Variants in SMARCC1 observed in about 807,000 individuals in gnomAD.
The protein encoded by SMARCC1 is SWI/SNF complex subunit SMARCC1.
SMARCC1 carries 43 observed loss-of-function variants against 147.4 expected under a neutral mutation model. The observed-to-expected ratio is 0.29, with a 90% CI of 0.23 to 0.38. The LOEUF (loss-of-function observed/expected upper bound fraction) is 0.38, where lower values mean the gene tolerates loss of function less well. Among genes scored for constraint, SMARCC1 ranks in the 10% least tolerant of loss-of-function variants. The pLI, the probability that SMARCC1 is intolerant of heterozygous loss-of-function variation, is 1.00. For missense variants in SMARCC1, 1,119 were observed against 1,381.1 expected (o/e 0.81, Z 3.01); for synonymous variants, 495 against 484.4 (o/e 1.02, Z -0.29).
chr3:47,775,842 A>G (rs1471173968), intron 1 of SMARCC1, among the ~76,000 whole-genome samples: 1 of 151,834 alleles, frequency 6.6e-6, no homozygotes, highest in Non-Finnish European at 1.5e-5. Flanking sequence ...CTATGTACCC[A>G]CAAAAATTAA....
intron 1 of SMARCC1, 147 bp from the exon 2 acceptor site, chr3:47,773,083 A>G: frequency 1.8e-6 from 1 of 564,808 alleles, no homozygotes. Flanking sequence ...GAGCTTACAA[A>G]AACAAATATG....
At chr3:47,629,664 T>A (rs1010574764) in intron 24 of SMARCC1, among the ~76,000 whole-genome samples, 5 of 152,078 alleles carry the variant, frequency 3.3e-5, no homozygotes, top group South Asian at 2.1e-4. Flanking sequence ...TTAGAAAGGA[T>A]GTATAGAGAA....
At chr3:47,626,472 AAAG>A (rs1271039216) in intron 24 of SMARCC1, among the ~76,000 whole-genome samples, 33 of 145,750 alleles carry the variant, frequency 2.3e-4, no homozygotes, top group South Asian at 1.5e-3. Flanking sequence ...AAAAAAAAAA[AAAG>A]AAAGAAAGAA....
At chr3:47,732,811 A>G (rs2034391637) in intron 5 of SMARCC1, among the ~76,000 whole-genome samples, 1 of 152,180 alleles carries the variant, frequency 6.6e-6, no homozygotes. Context: ...AACATGTATA[A>G]TAATACTAAA....
chr3:47,672,857 C>T (rs1469834763), intron 18 of SMARCC1, among the ~76,000 whole-genome samples: 7 of 152,092 alleles, frequency 4.6e-5, no homozygotes, highest in Non-Finnish European at 7.4e-5. Flanking sequence ...CGGCTCACTG[C>T]AACCTCTTCC....
chr3:47,598,259 G>C (rs925862893), intron 26 of SMARCC1, among the ~76,000 whole-genome samples: 3 of 152,108 alleles, frequency 2.0e-5, no homozygotes, highest in Non-Finnish European at 4.4e-5. Flanking sequence ...GTTGCTGCTG[G>C]AAACAGGAGG....
At chr3:47,690,369 C>T (rs1325728572) in intron 12 of SMARCC1, among the ~76,000 whole-genome samples, 1 of 152,096 alleles carries the variant, frequency 6.6e-6, no homozygotes, top group African/African-American at 2.4e-5. Flanking sequence ...GGTAGGTGGA[C>T]ACTTCAGAGC....
intron 21 of SMARCC1, among the ~76,000 whole-genome samples, chr3:47,655,705 C>CA (rs1030744259): frequency 5.3e-5 from 8 of 151,052 alleles, no homozygotes; most frequent in African/African-American, 1.5e-4. Context: ...TGTCTCAAAA[C>CA]AAAAAATAAT....
intron 6 of SMARCC1, among the ~76,000 whole-genome samples, chr3:47,726,555 T>C (rs73831529): frequency 2.8e-3 from 422 of 152,340 alleles, no homozygotes; most frequent in African/African-American, 9.7e-3. Flanking sequence ...GTACACCCAG[T>C]GTTGCATGTC....
intron 2 of SMARCC1, among the ~76,000 whole-genome samples, chr3:47,752,395 C>T (rs1205967384): frequency 6.6e-6 from 1 of 152,126 alleles, no homozygotes. Flanking sequence ...AGAGGCCCTG[C>T]CCTAATTCAA....
At chr3:47,710,844 T>C in intron 8 of SMARCC1, 36 bp from the exon 9 acceptor site, 1 of 1,561,016 alleles carries the variant, frequency 6.4e-7, no homozygotes, top group Non-Finnish European at 8.7e-7. Context: ...TCTACATAAA[T>C]AACAAAATCA....
At chr3:47,775,466 A>G (rs1252385961) in intron 1 of SMARCC1, among the ~76,000 whole-genome samples, 8 of 145,378 alleles carry the variant, frequency 5.5e-5, no homozygotes, top group Non-Finnish European at 1.2e-4. Flanking sequence ...AGCCCCGTAA[A>G]TTTTTAATAA....
chr3:47,777,450 T>A (rs1292688305), intron 1 of SMARCC1, among the ~76,000 whole-genome samples: 1 of 151,962 alleles, frequency 6.6e-6, no homozygotes, highest in Non-Finnish European at 1.5e-5. Flanking sequence ...CCCAGTACTT[T>A]GGGAGGACGA....
chr3:47,593,631 A>T (rs1347176093), intron 26 of SMARCC1, among the ~76,000 whole-genome samples: 1 of 152,248 alleles, frequency 6.6e-6, no homozygotes, highest in Non-Finnish European at 1.5e-5. Flanking sequence ...TAGAAATAAG[A>T]ATGCTTAATC....
chr3:47,761,482 G>A (rs1351739493), intron 2 of SMARCC1, among the ~76,000 whole-genome samples: 1 of 151,624 alleles, frequency 6.6e-6, no homozygotes, highest in Non-Finnish European at 1.5e-5. Flanking sequence ...TCCTAAATTT[G>A]ATCACTGTAT....
intron 3 of SMARCC1, among the ~76,000 whole-genome samples, chr3:47,744,600 C>T (rs538667618): frequency 1.3e-5 from 2 of 152,162 alleles, no homozygotes; most frequent in South Asian, 4.2e-4. Context: ...TGTGTATTCT[C>T]CTGGAAAGAT....
intron 25 of SMARCC1, among the ~76,000 whole-genome samples, chr3:47,618,517 C>G (rs775442384): frequency 3.3e-5 from 5 of 151,988 alleles, no homozygotes; most frequent in Non-Finnish European, 5.9e-5. Context: ...CACTGCACTC[C>G]AGCCTGGGCA....
intron 11 of SMARCC1, among the ~76,000 whole-genome samples, chr3:47,695,358 T>A (rs1482704779): frequency 6.6e-6 from 1 of 152,206 alleles, no homozygotes; most frequent in African/African-American, 2.4e-5. Context: ...TAATGTTATG[T>A]GAAGTATATC....
intron 24 of SMARCC1, among the ~76,000 whole-genome samples, chr3:47,623,804 T>C (rs1431115912): frequency 6.6e-6 from 1 of 152,030 alleles, no homozygotes; most frequent in Non-Finnish European, 1.5e-5. Flanking sequence ...TTGAAGATAA[T>C]AATGTTATCA....
Sources: allele counts gnomAD v4.1 joint callset (sites outside exome capture counted in the v4.1 genomes callset), GRCh38; gene constraint gnomAD v4.1.1; transcripts MANE v1.5; gene names NCBI Gene and HGNC (gene_info 2026-07-23, HGNC 2026-07-21).